Variants in NPHP4 observed in about 807,000 individuals in gnomAD.
NPHP4 encodes nephrocystin-4.
NPHP4 carries 151 observed loss-of-function variants against 155.8 expected under a neutral mutation model. The observed-to-expected ratio is 0.97, with a 90% CI of 0.85 to 1.11. The LOEUF is 1.11. Among genes scored for constraint, NPHP4 ranks in the 50% least tolerant of loss-of-function variants. The pLI, the probability that NPHP4 is intolerant of heterozygous loss-of-function variation, is 0.00. For missense variants in NPHP4, 1,956 were observed against 1,925.7 expected (o/e 1.02, Z -0.29); for synonymous variants, 845 against 816.8 (o/e 1.03, Z -0.59).
chr1:5,875,562 T>C (rs938144682), intron 20 of NPHP4, among the ~76,000 whole-genome samples: 1 of 152,114 alleles, frequency 6.6e-6, no homozygotes, highest in African/African-American at 2.4e-5. Flanking sequence ...TCACACCGGG[T>C]CAGAGTCCAG....
intron 23 of NPHP4, among the ~76,000 whole-genome samples, chr1:5,871,372 G>A (rs938092549): frequency 2.6e-5 from 4 of 152,192 alleles, no homozygotes; most frequent in Non-Finnish European, 5.9e-5. Context: ...ACGCCTCGGT[G>A]TCCATCATGA....
chr1:5,955,727 T>C (rs1649067980), intron 6 of NPHP4, among the ~76,000 whole-genome samples: 1 of 152,092 alleles, frequency 6.6e-6, no homozygotes, highest in South Asian at 2.1e-4. Context: ...CACAGAACAG[T>C]GGTTATCAGA....
At chr1:5,938,917 T>C (rs925890272) in intron 9 of NPHP4, among the ~76,000 whole-genome samples, 2 of 152,240 alleles carry the variant, frequency 1.3e-5, no homozygotes, top group Non-Finnish European at 2.9e-5. Flanking sequence ...CATAGGAATG[T>C]TACATTTTCT....
At chr1:5,965,969 G>A (rs559513304) in intron 5 of NPHP4, among the ~76,000 whole-genome samples, 94 of 152,170 alleles carry the variant, frequency 6.2e-4, no homozygotes, top group African/African-American at 2.2e-3. Flanking sequence ...TCATAAACAC[G>A]CAGGACTCCT....
At chr1:5,875,796 C>T (rs1642534963) in intron 20 of NPHP4, among the ~76,000 whole-genome samples, 1 of 152,286 alleles carries the variant, frequency 6.6e-6, no homozygotes, top group Non-Finnish European at 1.5e-5. Context: ...CCTGCAGCTA[C>T]TCCAAGAAGC....
At chr1:5,938,680 A>C (rs1404357468) in intron 9 of NPHP4, among the ~76,000 whole-genome samples, 1 of 152,254 alleles carries the variant, frequency 6.6e-6, no homozygotes, top group South Asian at 2.1e-4. Flanking sequence ...AACAAAGCGC[A>C]GCTGGCTGCC....
At chr1:5,953,386 G>A (rs1303116099) in intron 6 of NPHP4, among the ~76,000 whole-genome samples, 2 of 152,154 alleles carry the variant, frequency 1.3e-5, no homozygotes, top group East Asian at 3.9e-4. Context: ...TTACAGGCGT[G>A]AGCCACCACA....
At position 5,890,884 on chromosome 1, in the gene NPHP4, G is replaced by C; in HGVS notation, c.2288C>G (p.Ala763Gly). Residue 763 changes from alanine to glycine, a missense_variant, in exon 17 of 30, where the codon GCT (alanine) becomes GGT (glycine). Coordinates refer to ENST00000378156, the MANE Select transcript of NPHP4 (RefSeq NM_015102.5). This position sits in a 1 kb window ranked among gnomAD's most constrained non-coding sequence, Gnocchi z 4.9. ...AGCCGCTACCTTCATCTGGACGGCA[G>C]CAGATCCGATGAGCAGCAGGGAGTC... ...DGDSLLLIGS[A>G]AVQMKHLLRQ... The C allele has an allele frequency of 1.2e-6, 2 of 1,610,148 alleles. No homozygotes were observed.
intron 9 of NPHP4, among the ~76,000 whole-genome samples, chr1:5,939,376 G>A (rs1186224533): frequency 6.6e-6 from 1 of 152,246 alleles, no homozygotes; most frequent in Non-Finnish European, 1.5e-5. Context: ...TCACGCATTT[G>A]GAGCCATGGC....
chr1:5,907,936 C>T (rs1479134460), intron 12 of NPHP4, among the ~76,000 whole-genome samples: 1 of 152,242 alleles, frequency 6.6e-6, no homozygotes, highest in African/African-American at 2.4e-5. Context: ...GCTTAAAACA[C>T]TGATGCGGAG....
intron 5 of NPHP4, among the ~76,000 whole-genome samples, chr1:5,965,608 T>G (rs1340855764): frequency 6.6e-6 from 1 of 152,140 alleles, no homozygotes; most frequent in East Asian, 1.9e-4. Flanking sequence ...CCTCTTGGCC[T>G]AGAGGACTCC....
chr1:5,982,465 G>A (rs1297632873), intron 2 of NPHP4, among the ~76,000 whole-genome samples: 2 of 152,170 alleles, frequency 1.3e-5, no homozygotes, highest in African/African-American at 4.8e-5. Context: ...TATGATGTTT[G>A]CACAATGACA....
chr1:5,902,946 A>G (rs1028494548), intron 16 of NPHP4, among the ~76,000 whole-genome samples: 8 of 152,202 alleles, frequency 5.3e-5, no homozygotes, highest in African/African-American at 1.9e-4. Flanking sequence ...ATGGCCAGAG[A>G]AAGTTATAAA....
intron 15 of NPHP4, 118 bp from the exon 16 acceptor site, chr1:5,904,922 A>G: frequency 9.8e-7 from 1 of 1,020,828 alleles, no homozygotes; most frequent in Non-Finnish European, 1.5e-6. Context: ...AACAGTAAAG[A>G]GGCTGCCGTG....
At chr1:5,893,326 T>C (rs754120108) in intron 16 of NPHP4, among the ~76,000 whole-genome samples, 4 of 152,070 alleles carry the variant, frequency 2.6e-5, no homozygotes, top group African/African-American at 9.7e-5. Flanking sequence ...GAATGTCTGG[T>C]TGCGCTGTTA....
intron 10 of NPHP4, among the ~76,000 whole-genome samples, chr1:5,928,015 A>G (rs1646098441): frequency 6.6e-6 from 1 of 152,190 alleles, no homozygotes; most frequent in African/African-American, 2.4e-5. Context: ...CCCTTACCCA[A>G]GCAGAAATCG....
chr1:5,966,075 C>G (rs1651450449), intron 5 of NPHP4, among the ~76,000 whole-genome samples: 1 of 152,150 alleles, frequency 6.6e-6, no homozygotes, highest in Non-Finnish European at 1.5e-5. Flanking sequence ...TGGCTTCTGG[C>G]TGGAGGCTAC....
Position 5,933,201 on chromosome 1 carries a change from GT to G in NPHP4, c.1247del (p.Asn416ThrfsTer15), listed in dbSNP as rs775801971. ...CCTTGTAGACCAGACAGTGCGAGGG[GT>G]TGGGCTGGATCCCACCCTGCAGAGG... The part of the protein sequence containing the change: ...TLPLQGGIQP[N>X]PSHCLVYKVP... On this transcript the variant is annotated frameshift_variant, in exon 10 of 30. Transcript: ENST00000378156. LOFTEE classifies it high-confidence loss of function. 6.2e-7 allele frequency: 1 copy of G among 1,613,888 alleles called. No homozygotes were observed. Among genetic ancestry groups the G allele is most frequent in the South Asian group, 1.1e-5 (1 of 91,082 alleles).
intron 11 of NPHP4, among the ~76,000 whole-genome samples, chr1:5,918,948 G>A (rs888943271): frequency 3.3e-4 from 51 of 152,282 alleles, no homozygotes; most frequent in Non-Finnish European, 5.1e-4. Context: ...AGAAAAAAAT[G>A]GGCAGCTTCC....
Sources: gnomAD v4.1 joint callset for allele counts (sites outside exome capture counted in the v4.1 genomes callset) on GRCh38, gnomAD v4.1.1 for gene constraint, Gnocchi (gnomAD v3.1) non-coding constraint, MANE v1.5 for transcripts, NCBI Gene and HGNC (gene_info 2026-07-23, HGNC 2026-07-21) for gene names.